The following SAMD12 variants were observed in gnomAD, a reference collection of about 807,000 sequenced individuals.
SAMD12 encodes sterile alpha motif domain containing 12, also known as sterile alpha motif domain-containing protein 12.
A neutral mutation model predicts 15.0 loss-of-function variants in SAMD12; 9 were observed. That is an observed-to-expected ratio of 0.60 (90% confidence interval 0.36 to 1.05). The LOEUF is 1.05. SAMD12 is among the 50% of genes least tolerant of loss of function. The probability of loss-of-function intolerance (pLI) is 0.01; values close to 1 mark genes in which losing one functional copy is unlikely to be tolerated. For synonymous variants in SAMD12, 86 were observed against 90.1 expected (o/e 0.96, Z 0.25); for missense variants, 230 against 234.2 (o/e 0.98, Z 0.12).
chr8:118,141,562 T>C, the SAMD12 span, among the ~76,000 whole-genome samples: 1 of 152,310 alleles, frequency 6.6e-6, no homozygotes, highest in East Asian at 1.9e-4. Flanking sequence ...AGTCTGATAT[T>C]TGACTTTCCA....
At chr8:118,283,283 C>A (rs1304302662) in intron 4 of SAMD12, among the ~76,000 whole-genome samples, 1 of 152,144 alleles carries the variant, frequency 6.6e-6, no homozygotes, top group Non-Finnish European at 1.5e-5. Flanking sequence ...ATTAATGGCA[C>A]CTTTTGGTCA....
chr8:118,473,285 C>T (rs896036409), intron 2 of SAMD12, among the ~76,000 whole-genome samples: 1 of 152,172 alleles, frequency 6.6e-6, no homozygotes, highest in African/African-American at 2.4e-5. Context: ...TCTAAACCTT[C>T]CCTATACCTC....
At chr8:118,247,440 A>T (rs1190822679) in intron 4 of SAMD12, among the ~76,000 whole-genome samples, 2 of 152,134 alleles carry the variant, frequency 1.3e-5, no homozygotes, top group African/African-American at 4.8e-5. Context: ...TAAAGAAATG[A>T]TAAGTATGTG....
At chr8:118,167,251 G>C in the SAMD12 span, among the ~76,000 whole-genome samples, 4 of 151,850 alleles carry the variant, frequency 2.6e-5, no homozygotes, top group African/African-American at 9.7e-5. Flanking sequence ...CATTATGTCA[G>C]ACTCAGAGGT....
At chr8:118,344,910 T>C (rs1262837394) in intron 4 of SAMD12, among the ~76,000 whole-genome samples, 1 of 152,202 alleles carries the variant, frequency 6.6e-6, no homozygotes, top group Non-Finnish European at 1.5e-5. Context: ...ATCATCACCA[T>C]TGTAACATTA....
intron 4 of SAMD12, among the ~76,000 whole-genome samples, chr8:118,364,416 A>G (rs1444709210): frequency 3.3e-5 from 5 of 152,112 alleles, no homozygotes; most frequent in Admixed American, 6.5e-5. Flanking sequence ...GGGTTTTAAG[A>G]TAGGATACCT....
intron 4 of SAMD12, among the ~76,000 whole-genome samples, chr8:118,242,801 A>G (rs541054322): frequency 9.2e-5 from 14 of 152,304 alleles, no homozygotes; most frequent in African/African-American, 3.1e-4. Context: ...AAGGAGTATG[A>G]AACTATGCTC....
intron 2 of SAMD12, among the ~76,000 whole-genome samples, chr8:118,472,619 G>A (rs963693583): frequency 7.9e-5 from 12 of 152,022 alleles, no homozygotes; most frequent in African/African-American, 2.4e-4. Flanking sequence ...AGGATATAGT[G>A]AGTGATGATC....
chr8:118,375,859 TAAAAC>T (rs1819360557), downstream of SAMD12: 1 of 152,194 alleles, frequency 6.6e-6, no homozygotes, highest in Non-Finnish European at 1.5e-5. Flanking sequence ...AGCATTTCCT[TAAAAC>T]AAAGCACATA....
At chr8:118,358,287 C>T (rs1447419514) in intron 4 of SAMD12, among the ~76,000 whole-genome samples, 1 of 152,208 alleles carries the variant, frequency 6.6e-6, no homozygotes, top group East Asian at 1.9e-4. Context: ...GTAACTATTA[C>T]TCCCCAGTCT....
chr8:118,582,097 T>TC (rs1220102761), intron 1 of SAMD12, among the ~76,000 whole-genome samples: 1 of 152,098 alleles, frequency 6.6e-6, no homozygotes, highest in East Asian at 1.9e-4. Flanking sequence ...GATGAGTACT[T>TC]TAGACCTGAG....
At chr8:118,595,162 G>A (rs564137616) in intron 1 of SAMD12, among the ~76,000 whole-genome samples, 53 of 152,224 alleles carry the variant, frequency 3.5e-4, no homozygotes, top group African/African-American at 1.1e-3. Flanking sequence ...TCCTATGGAC[G>A]TCTTAATCAC....
intron 4 of SAMD12, among the ~76,000 whole-genome samples, chr8:118,204,200 C>CCTAA (rs1554611730): frequency 6.6e-6 from 1 of 150,654 alleles, no homozygotes; most frequent in African/African-American, 2.4e-5. Context: ...GAGAGGTATG[C>CCTAA]TTAATTAATT....
intron 4 of SAMD12, among the ~76,000 whole-genome samples, chr8:118,236,094 A>C (rs995418080): frequency 2.0e-5 from 3 of 152,202 alleles, no homozygotes; most frequent in Non-Finnish European, 4.4e-5. Flanking sequence ...TTCCTCAATT[A>C]ATGAATATTC....
At position 118,390,345 on chromosome 8, in the gene SAMD12, C is replaced by T. The variant is rs578084757; in HGVS notation, c.323-10645G>A. ...TTAACCTTCCTTCTTCCATGTCCCTCCAACTTTCAGTGCAAAGGAATTCAG... is the reference window on the plus strand; with the variant it reads ...TTAACCTTCCTTCTTCCATGTCCCTTCAACTTTCAGTGCAAAGGAATTCAG... On this transcript the variant is annotated intron_variant, in intron 3 of 3. Transcript: ENST00000314727. 2.6e-5 allele frequency among the ~76,000 whole-genome samples: 4 copies of T among 152,264 alleles called. No homozygotes were observed. The South Asian group carries it at 8.3e-4, about 32-fold the overall frequency.
At chr8:118,421,469 A>ATTGATAGATTT (rs1379816984) in intron 3 of SAMD12, among the ~76,000 whole-genome samples, 1 of 152,212 alleles carries the variant, frequency 6.6e-6, no homozygotes, top group East Asian at 1.9e-4. Context: ...CAATGTCACC[A>ATTGATAGATTT]AGGTAGTTTT....
intron 2 of SAMD12, among the ~76,000 whole-genome samples, chr8:118,567,442 T>C (rs895970157): frequency 1.3e-5 from 2 of 152,178 alleles, no homozygotes. Flanking sequence ...TAATCCTTCC[T>C]CATCTATTCA....
chr8:118,393,433 G>A (rs1563823991), intron 3 of SAMD12, among the ~76,000 whole-genome samples: 2 of 151,316 alleles, frequency 1.3e-5, no homozygotes, highest in Admixed American at 6.6e-5. Flanking sequence ...GTAGAGATAG[G>A]GTCTCCTTAT....
At chr8:118,340,236 T>G (rs978977414) in intron 4 of SAMD12, among the ~76,000 whole-genome samples, 1 of 152,208 alleles carries the variant, frequency 6.6e-6, no homozygotes, top group Non-Finnish European at 1.5e-5. Context: ...GTCTTATTCA[T>G]AGACTCATCC....
Sources: gnomAD v4.1 joint callset for allele counts (sites outside exome capture counted in the v4.1 genomes callset) on GRCh38, gnomAD v4.1.1 for gene constraint, MANE v1.5 for transcripts, NCBI Gene and HGNC (gene_info 2026-07-23, HGNC 2026-07-21) for gene names.